Variants in RPRD2 observed in about 807,000 individuals in gnomAD.
The protein encoded by RPRD2 is regulation of nuclear pre-mRNA domain-containing protein 2.
Under a neutral mutation model 104.4 loss-of-function variants are expected in RPRD2, and 12 were observed. That is an observed-to-expected ratio of 0.11 (90% confidence interval 0.07 to 0.19). The LOEUF is 0.19. Among genes scored for constraint, RPRD2 ranks in the 10% least tolerant of loss-of-function variants. RPRD2 has a pLI of 1.00. For missense variants in RPRD2, 1,543 were observed against 1,790.1 expected (o/e 0.86, Z 2.49); for synonymous variants, 714 against 684.9 (o/e 1.04, Z -0.66).
At chr1:150,441,733 A>G (rs782233857) in intron 3 of RPRD2, 148 bp from the exon 4 acceptor site, 6 of 535,446 alleles carry the variant, frequency 1.1e-5, no homozygotes, top group Non-Finnish European at 1.0e-5. Flanking sequence ...AGGAATTTCT[A>G]TTTTTTCATA....
chr1:150,390,679 A>G (rs1373666612), intron 1 of RPRD2, among the ~76,000 whole-genome samples: 2 of 152,222 alleles, frequency 1.3e-5, no homozygotes, highest in African/African-American at 4.8e-5. Flanking sequence ...GATGATTTGA[A>G]CAACAGATAA....
intron 2 of RPRD2, among the ~76,000 whole-genome samples, chr1:150,431,670 A>C (rs782173011): frequency 1.1e-4 from 6 of 52,246 alleles, no homozygotes; most frequent in Admixed American, 9.0e-4. Flanking sequence ...TAGTAGAGAC[A>C]GGGGTTCACC....
At chr1:150,416,892 CAAA>C (rs1357821103) in intron 1 of RPRD2, among the ~76,000 whole-genome samples, 1 of 113,954 alleles carries the variant, frequency 8.8e-6, no homozygotes. Flanking sequence ...AAAAAAAAAA[CAAA>C]AAGAAGAAGA....
chr1:150,450,446 A>G (rs1415655669), intron 7 of RPRD2, among the ~76,000 whole-genome samples: 5 of 151,184 alleles, frequency 3.3e-5, no homozygotes, highest in African/African-American at 1.2e-4. Flanking sequence ...CTCTACTAAA[A>G]ATTAAAAAAA....
intron 1 of RPRD2, among the ~76,000 whole-genome samples, chr1:150,398,030 C>A (rs1440481535): frequency 2.0e-5 from 3 of 151,998 alleles, no homozygotes; most frequent in Admixed American, 6.6e-5. Context: ...CTGTGTTGCC[C>A]AGGCTGGAGT....
At chr1:150,388,492 C>CAT (rs34271469) in intron 1 of RPRD2, among the ~76,000 whole-genome samples, 2 of 131,398 alleles carry the variant, frequency 1.5e-5, no homozygotes, top group African/African-American at 3.2e-5. Context: ...TATATATATA[C>CAT]CCGCGCACAC....
chr1:150,466,543 CAA>C (rs56756923), intron 10 of RPRD2, among the ~76,000 whole-genome samples: 15,969 of 108,858 alleles, frequency 0.15, 955 homozygotes, highest in African/African-American at 0.17. Context: ...GACCCTGCCT[CAA>C]AAAAAAAAAA....
At chr1:150,383,562 C>T (rs1420124622) in intron 1 of RPRD2, among the ~76,000 whole-genome samples, 2 of 151,702 alleles carry the variant, frequency 1.3e-5, no homozygotes, top group East Asian at 3.9e-4. Context: ...GGTGATCCAC[C>T]TGCCTCGGCC....
rs140325811 is a variant in RPRD2 at position 150,470,468 on chromosome 1, C to T, written c.1613-93C>T. On this transcript the variant is annotated intron_variant, in intron 10 of 10. Transcript: ENST00000369068. ...TACACTTTGTCTATCTGGTTCCCAC[C>T]AAAATGAATGAGAGTATCTGATTAG... 4.3e-5 allele frequency: 57 copies of T among 1,334,632 alleles called. No individual in the cohort carries two copies. The African/African-American group carries it at 8.1e-4, about 19-fold the overall frequency. The allele number at this position is 1,334,632 out of a possible 1,614,324, so 82.7% of individuals were successfully genotyped here. A position where few individuals can be genotyped will look rare whatever the true frequency, so the allele number is the denominator to read the frequency against.
chr1:150,382,110 C>T (rs1448749888), intron 1 of RPRD2, among the ~76,000 whole-genome samples: 4 of 152,170 alleles, frequency 2.6e-5, no homozygotes, highest in Admixed American at 6.5e-5. Flanking sequence ...ACGTTTTATG[C>T]AGGCCTGTCT....
At chr1:150,403,312 G>A (rs1317301736) in intron 1 of RPRD2, among the ~76,000 whole-genome samples, 2 of 151,930 alleles carry the variant, frequency 1.3e-5, no homozygotes, top group African/African-American at 4.8e-5. Flanking sequence ...TGAAGTGTAG[G>A]TACAGTGGCA....
At position 150,443,251 on chromosome 1, in the gene RPRD2, G is replaced by A. The variant is rs1330493514; in HGVS notation, c.535G>A (p.Ala179Thr). ...KSQTSTNPKA[A>T]LKSKIVAEFR... ...AACAGCATCTACAAATCCAAAAGCT[G>A]CTCTCAAGTCTAAGATAGTTGCTGA... Residue 179 changes from alanine to threonine, a missense_variant, in exon 5 of 11, where the codon GCT becomes ACT. By Grantham distance (58) the Ala-to-Thr change is moderately conservative. Around this residue, in one of 4 missense-constraint regions of RPRD2, gnomAD observed 572 missense variants for 787.3 expected, o/e 0.73. Transcript: ENST00000369068. 15 of 1,577,314 alleles carry A rather than the reference G, an allele frequency of 9.5e-6. No homozygotes were observed. The African/African-American group carries it at 1.9e-4, about 20-fold the overall frequency.
rs756899355 is a variant in RPRD2, at chr1:150,472,510, T to C, written c.3562T>C (p.Ser1188Pro). The C allele has an allele frequency of 6.2e-7, 1 of 1,613,914 alleles. No homozygotes were observed. Among genetic ancestry groups the C allele is most frequent in the Admixed American group, 1.7e-5 (1 of 60,026 alleles). ...VGSFRSNSFN[S>P]TFEHHLPPSP... The stretch of plus-strand genomic sequence containing the variant: ...CAGCTTTCGTTCCAACAGTTTCAAC[T>C]CAACATTTGAGCATCATCTTCCCCC... Residue 1188 changes from serine to proline, a missense_variant, in exon 11 of 11, where the codon TCA (serine) becomes CCA (proline). Physicochemically the swap from Ser to Pro is moderately conservative, Grantham distance 74. Coordinates refer to ENST00000369068, the MANE Select transcript of RPRD2 (RefSeq NM_015203.5).
intron 9 of RPRD2, among the ~76,000 whole-genome samples, chr1:150,464,190 G>A (rs1668113393): frequency 6.6e-6 from 1 of 151,662 alleles, no homozygotes; most frequent in South Asian, 2.1e-4. Context: ...TTTATTTTTG[G>A]TAGGGACAGG....
chr1:150,476,494 C>A lies in RPRD2; in HGVS notation c.*3160C>A, dbSNP rs746984780. 2 of 152,186 alleles carry A rather than the reference C, an allele frequency of 1.3e-5. No homozygotes were observed. Among genetic ancestry groups the A allele is most frequent in the African/African-American group, 4.8e-5 (2 of 41,444 alleles). 9.4% of individuals were successfully genotyped at this position (152,186 alleles called of 1,614,324 possible). On this transcript the variant is annotated 3_prime_UTR_variant, in exon 11 of 11. Transcript: ENST00000369068. ...GTGTGGAAAACAAAACAAGTACATG[C>A]TTTAGAAGCAACAACAATGAAATCC...
rs1667837556 is a variant in RPRD2 at position 150,460,280 on chromosome 1, C to T, written c.1374C>T (p.Ser458=). 9.9e-6 allele frequency: 16 copies of T among 1,612,560 alleles called. No homozygotes were observed. The highest frequency in any genetic ancestry group is 1.4e-5 in the Non-Finnish European group (16 of 1,179,264). ...LANVDLAKIS[S]ILSSLTSVMK... ...ATGTGGATCTGGCAAAGATCAGTTCCATCCTTAGCAGTTTAACATCAGTCA... is the reference window on the plus strand; with the variant it reads ...ATGTGGATCTGGCAAAGATCAGTTCTATCCTTAGCAGTTTAACATCAGTCA... Residue 458 remains serine, a synonymous_variant, in exon 9 of 11, where the codon TCC becomes TCT. Coordinates refer to ENST00000369068, the MANE Select transcript of RPRD2 (RefSeq NM_015203.5).
chr1:150,456,059 G>A (rs934994289), intron 7 of RPRD2, among the ~76,000 whole-genome samples: 6 of 151,996 alleles, frequency 3.9e-5, no homozygotes, highest in Non-Finnish European at 8.8e-5. Flanking sequence ...TGAACTCCTG[G>A]CTTCAAGTGA....
rs200404582 is a variant in RPRD2 at position 150,471,231 on chromosome 1, C to T, written c.2283C>T (p.Ser761=). 3.6e-3 allele frequency: 5,786 copies of T among 1,613,794 alleles called. 13 individuals are homozygous for T. The highest frequency in any genetic ancestry group is 4.4e-3 in the Non-Finnish European group (5,188 of 1,179,856). Residue 761 remains serine, a synonymous_variant, in exon 11 of 11, where the codon TCC becomes TCT. Transcript: ENST00000369068. The surrounding 1 kb of genome is among the most constrained non-coding windows in gnomAD (Gnocchi z 5.3). The stretch of plus-strand genomic sequence containing the variant: ...TTTCTAAGATCATTAGCCCTGGTTC[C>T]TCAACACCCAGCAGTACAAGATCAC... The part of the protein sequence containing the change: ...SLLSKIISPG[S]STPSSTRSPP...
At position 150,460,135 on chromosome 1, in the gene RPRD2, T is replaced by A. The variant is rs1207013071; in HGVS notation, c.1229T>A (p.Ile410Asn). ...GTACCTACAAAGCCAACAGAAAATA[T>A]CTCAAAGGCCTCTTCATGTACCCCA... The part of the protein sequence containing the change: ...TSVPTKPTEN[I>N]SKASSCTPVP... The change falls in exon 9 of 11, where the codon ATC becomes AAC. Residue 410 changes from isoleucine (I) to asparagine (N), a missense_variant. Coordinates refer to ENST00000369068, the MANE Select transcript of RPRD2 (RefSeq NM_015203.5). 2.5e-6 allele frequency: 4 copies of A among 1,613,772 alleles called. No homozygotes were observed. Among genetic ancestry groups the A allele is most frequent in the Non-Finnish European group, 8.5e-7 (1 of 1,179,876 alleles).
Sources: gnomAD v4.1 joint callset for allele counts (sites outside exome capture counted in the v4.1 genomes callset) on GRCh38, gnomAD v4.1.1 for gene constraint, gnomAD v4.1.1 regional missense constraint, Gnocchi (gnomAD v3.1) non-coding constraint, MANE v1.5 for transcripts, NCBI Gene and HGNC (gene_info 2026-07-23, HGNC 2026-07-21) for gene names.